CHD8: variants seen among roughly 807,000 people sequenced by gnomAD.
CHD8 encodes ATP-dependent chromatin remodeler CHD8.
CHD8 carries 31 observed loss-of-function variants against 279.2 expected under a neutral mutation model. The observed-to-expected ratio is 0.11, with a 90% CI of 0.08 to 0.15. CHD8 has a LOEUF of 0.15. Ranked by LOEUF, CHD8 falls within the 10% of genes least tolerant of loss-of-function variation. CHD8 has a pLI of 1.00. For missense variants in CHD8, 2,146 were observed against 3,230.5 expected, an observed-to-expected ratio of 0.66 and a Z score of 8.14; for synonymous variants, 1,081 against 1,139.6, an observed-to-expected ratio of 0.95 and a Z score of 1.04.
intron 27 of CHD8, 131 bp downstream of exon 27, chr14:21,397,692 G>T: frequency 1.2e-6 from 1 of 863,066 alleles, no homozygotes; most frequent in Non-Finnish European, 1.8e-6. Context: ...CCTTTCTGCT[G>T]GTCCTATTTT....
chr14:21,448,887 A>C (rs1335728997), intron 1 of CHD8, among the ~76,000 whole-genome samples: 1 of 140,740 alleles, frequency 7.1e-6, no homozygotes, highest in Non-Finnish European at 1.6e-5. Context: ...TAAAAGGAGG[A>C]GGCTGGGCTG....
At position 21,415,541 on chromosome 14, in the gene CHD8, ATAAAAATAAT is replaced by A. The variant is rs1888682885; in HGVS notation, c.1968+23_1968+32del. Reference sequence around the variant, plus strand: ...AATAAATAAATAAATAAATAAATAAATAAAAATAATAATAATAATAAAAAGCCCTCACCTC... The same window carrying A: ...AATAAATAAATAAATAAATAAATAAAAATAATAATAAAAAGCCCTCACCTC... On this transcript the variant is annotated intron_variant, in intron 7 of 37. Transcript: ENST00000646647. The A allele has an allele frequency of 7.4e-6, 8 of 1,087,052 alleles. No homozygotes were observed. The African/African-American group carries it at 1.3e-4, about 17-fold the overall frequency. 67.3% of individuals were successfully genotyped at this position (1,087,052 alleles called of 1,614,324 possible). A position where few individuals can be genotyped will look rare whatever the true frequency, so the allele number is the denominator to read the frequency against.
chr14:21,429,176 C>T lies in CHD8; in HGVS notation c.1003G>A (p.Ala335Thr), dbSNP rs781096995. 19 of 1,613,874 alleles carry T rather than the reference C, an allele frequency of 1.2e-5. No homozygotes were observed. In the South Asian group the frequency reaches 2.1e-4, roughly 18 times the overall value. Residue 335 changes from alanine (A) to threonine (T), a missense_variant, in exon 3 of 38, where the codon GCC (alanine) becomes ACC (threonine). Coordinates refer to ENST00000646647, the MANE Select transcript of CHD8 (RefSeq NM_001170629.2). ...TQAKNAQGQP[A>T]KVVTIQLQVQ... ...TGCAGCTGGATAGTTACTACCTTGGCAGGCTGCCCTTGGGCATTCTTGGCT... is the reference window on the plus strand; with the variant it reads ...TGCAGCTGGATAGTTACTACCTTGGTAGGCTGCCCTTGGGCATTCTTGGCT...
intron 8 of CHD8, 128 bp downstream of exon 8, chr14:21,414,810 C>G: frequency 1.4e-6 from 1 of 701,798 alleles, no homozygotes. Flanking sequence ...CCATTTTTCC[C>G]CATTAAAAAC....
Position 21,394,226 on chromosome 14 carries a change from A to G in CHD8, c.5600-31T>C, listed in dbSNP as rs767249346. 24 of 1,611,262 alleles carry G rather than the reference A, an allele frequency of 1.5e-5. 1 individual carries two copies. In the South Asian group the frequency reaches 2.5e-4, roughly 17 times the overall value. Reference sequence around the variant, plus strand: ...AGAGACAGGAGTAGAAGAAATTAACAGAGTTGCTTCTGTTGGCATCCATCC... The same window carrying G: ...AGAGACAGGAGTAGAAGAAATTAACGGAGTTGCTTCTGTTGGCATCCATCC... On this transcript the variant is annotated intron_variant, in intron 31 of 37. Transcript: ENST00000646647.
At chr14:21,412,874 A>G in intron 10 of CHD8, 39 bp downstream of exon 10, 1 of 1,254,750 alleles carries the variant, frequency 8.0e-7, no homozygotes, top group Non-Finnish European at 1.2e-6. Flanking sequence ...GCAGAAATCT[A>G]AGAGGATGTT....
At chr14:21,455,879 A>G (rs1052172039) in intron 1 of CHD8, among the ~76,000 whole-genome samples, 153 bp downstream of exon 1, 1 of 151,908 alleles carries the variant, frequency 6.6e-6, no homozygotes, top group Non-Finnish European at 1.5e-5. Context: ...TTCAGTCCGG[A>G]GCATCACCCC....
In CHD8 at chr14:21,408,342, T is replaced by C. The variant is rs768170046; in HGVS notation, c.2700A>G (p.Gln900=). The C allele has an allele frequency of 1.1e-5, 17 of 1,613,698 alleles. No individual in the cohort carries two copies. The highest frequency in any genetic ancestry group is 5.3e-5 in the African/African-American group (4 of 74,940). The change falls in exon 13 of 38, where the codon CAA becomes CAG. Residue 900 remains glutamine (Q), a synonymous_variant. Transcript: ENST00000646647. This position sits in a 1 kb window ranked among gnomAD's most constrained non-coding sequence, Gnocchi z 4.3. ...AATCTTTGCAGTACATTTCATACTG[T>C]TGAATCATCTGCCTGCTGGCCAGAC... ...HGSLASRQMI[Q]QYEMYCKDSR...
intron 4 of CHD8, 94 bp downstream of exon 4, chr14:21,427,775 T>C: frequency 2.6e-6 from 4 of 1,532,926 alleles, no homozygotes; most frequent in Non-Finnish European, 3.5e-6. Flanking sequence ...GTACCAGATG[T>C]TTGCTCTGCC....
At chr14:21,415,492 T>A (rs887274450) in intron 7 of CHD8, 82 bp downstream of exon 7, 1 of 794,718 alleles carries the variant, frequency 1.3e-6, no homozygotes, top group African/African-American at 1.8e-5. Flanking sequence ...GTAACACAGT[T>A]AGACTCTATT....
chr14:21,401,408 T>G lies in CHD8; in HGVS notation c.4168A>C (p.Ser1390Arg). ...KADLDMDLLN[S>R]KNNLVIDTPR... Reference sequence around the variant, plus strand: ...CCCTAAAAGAAGAAACTCACCTTGCTGTTGAGCAGATCCATGTCTAGGTCA... The same window carrying G: ...CCCTAAAAGAAGAAACTCACCTTGCGGTTGAGCAGATCCATGTCTAGGTCA... The change falls in exon 21 of 38, where the codon AGC (serine) becomes CGC (arginine). Residue 1390 changes from serine (S) to arginine (R), a missense_variant. Physicochemically the swap from Ser to Arg is moderately radical, Grantham distance 110. Coordinates refer to ENST00000646647, the MANE Select transcript of CHD8 (RefSeq NM_001170629.2). 1 of 1,578,936 alleles carries G rather than the reference T, an allele frequency of 6.3e-7. No individual in the cohort carries two copies. The highest frequency in any genetic ancestry group is 8.6e-7 in the Non-Finnish European group (1 of 1,162,122).
At position 21,391,076 on chromosome 14, in the gene CHD8, A is replaced by C. The variant is rs1566409627; in HGVS notation, c.7066-13T>G. ...GATCCTCCATATACTGCAATAGAAAAAATCAGTTATCCTAGAGGAATAGAA... is the reference window on the plus strand; with the variant it reads ...GATCCTCCATATACTGCAATAGAAACAATCAGTTATCCTAGAGGAATAGAA... On this transcript the variant is annotated splice_polypyrimidine_tract_variant and intron_variant, in intron 36 of 37. Coordinates refer to ENST00000646647, the MANE Select transcript of CHD8 (RefSeq NM_001170629.2). 1 of 1,465,964 alleles carries C rather than the reference A, an allele frequency of 6.8e-7. No individual in the cohort carries two copies. Among genetic ancestry groups the C allele is most frequent in the Non-Finnish European group, 9.4e-7 (1 of 1,063,840 alleles). 90.8% of individuals were successfully genotyped at this position (1,465,964 alleles called of 1,614,324 possible). A position where few individuals can be genotyped will look rare whatever the true frequency, so the allele number is the denominator to read the frequency against.
chr14:21,437,164 C>T (rs1361837526), intron 1 of CHD8: 1 of 1,119,386 alleles, frequency 8.9e-7, no homozygotes, highest in Non-Finnish European at 1.2e-6. Context: ...AGCTGTGCCT[C>T]ACCCCAGTGG....
chr14:21,449,680 T>C (rs1890212117), intron 1 of CHD8, among the ~76,000 whole-genome samples: 1 of 152,224 alleles, frequency 6.6e-6, no homozygotes, highest in Admixed American at 6.5e-5. Context: ...ATTCAACTAA[T>C]CACTTTTATG....
At chr14:21,441,843 T>G (rs1046707219) in intron 1 of CHD8, among the ~76,000 whole-genome samples, 1 of 151,878 alleles carries the variant, frequency 6.6e-6, no homozygotes, top group Non-Finnish European at 1.5e-5. Flanking sequence ...GAGCCAAGAT[T>G]GCGCCACTGC....
chr14:21,429,438 G>A (rs1336068926), intron 2 of CHD8, 103 bp from the exon 3 acceptor site: 2 of 1,162,828 alleles, frequency 1.7e-6, no homozygotes, highest in Non-Finnish European at 2.6e-6. Flanking sequence ...AAAACTACAG[G>A]TCAGAAGACA....
At position 21,397,965 on chromosome 14, in the gene CHD8, G is replaced by T. The variant is rs767858031; in HGVS notation, c.4922-13C>A. ...TATTTCTCATAGCCTAGAAGAAAAA[G>T]GGTCATAGTTGAAGAAAATGAGATT... On this transcript the variant is annotated splice_polypyrimidine_tract_variant and intron_variant, in intron 26 of 37. Transcript: ENST00000646647. 1.9e-6 allele frequency: 3 copies of T among 1,593,136 alleles called. No homozygotes were observed. Among genetic ancestry groups the T allele is most frequent in the South Asian group, 1.1e-5 (1 of 88,732 alleles).
intron 1 of CHD8, among the ~76,000 whole-genome samples, chr14:21,453,921 C>G (rs561502504): frequency 6.6e-6 from 1 of 151,256 alleles, no homozygotes; most frequent in South Asian, 2.1e-4. Context: ...TTCGGGAGGC[C>G]GAGGCGGGAG....
rs747899513 is a variant in CHD8, at chr14:21,415,915, G to A, written c.1717-8C>T. ...GCGGTTTGAGCGTCTCTTCTGTAGA[G>A]CAAAAAGTAGTTAGAGTGACTAGTT... On this transcript the variant is annotated splice_polypyrimidine_tract_variant and splice_region_variant and intron_variant, in intron 5 of 37. Coordinates refer to ENST00000646647, the MANE Select transcript of CHD8 (RefSeq NM_001170629.2). 3.1e-6 allele frequency: 5 copies of A among 1,604,748 alleles called. No homozygotes were observed. The highest frequency in any genetic ancestry group is 3.4e-5 in the Admixed American group (2 of 57,988).
Sources: allele counts gnomAD v4.1 joint callset (sites outside exome capture counted in the v4.1 genomes callset), GRCh38; gene constraint gnomAD v4.1.1; non-coding constraint Gnocchi (gnomAD v3.1); transcripts MANE v1.5; gene names NCBI Gene and HGNC (gene_info 2026-07-23, HGNC 2026-07-21).